Variants in C11orf65 observed in about 807,000 individuals in gnomAD.
C11orf65 encodes the protein protein MFI.
Under a neutral mutation model 35.3 loss-of-function variants are expected in C11orf65, and 38 were observed. The observed-to-expected ratio is 1.08, with a 90% CI of 0.83 to 1.41. C11orf65 has a LOEUF of 1.41. Ranked by LOEUF, C11orf65 falls within the 40% of genes most tolerant of loss-of-function variation. The pLI, the probability that C11orf65 is intolerant of heterozygous loss-of-function variation, is 0.00. For synonymous variants in C11orf65, 105 were observed against 114.4 expected (o/e 0.92, Z 0.53); for missense variants, 370 against 367.1 (o/e 1.01, Z -0.06).
Position 108,420,489 on chromosome 11 carries a change from T to C in C11orf65, c.174+11257A>G, listed in dbSNP as rs530526117. On this transcript the variant is annotated intron_variant, in intron 3 of 8. Transcript: ENST00000393084. The stretch of plus-strand genomic sequence containing the variant: ...CACCCACCACATTCTGCTCAGTCAC[T>C]GGACATGGGTTGACCTAGCATCACT... Among the ~76,000 whole-genome samples the C allele has an allele frequency of 2.0e-5, 3 of 152,288 alleles. No individual in the cohort carries two copies. The South Asian group carries it at 6.2e-4, about 32-fold the overall frequency.
chr11:108,329,423 T>G, downstream of C11orf65: 1 of 611,302 alleles, frequency 1.6e-6, no homozygotes, highest in Non-Finnish European at 2.8e-6. Flanking sequence ...GTTTTTTTTT[T>G]TGAGACAAGG....
At chr11:108,463,256 G>A (rs1461511465) in intron 1 of C11orf65, among the ~76,000 whole-genome samples, 1 of 150,866 alleles carries the variant, frequency 6.6e-6, no homozygotes, top group Non-Finnish European at 1.5e-5. Context: ...AAAGACAGAG[G>A]CTAAACAGAA....
chr11:108,394,094 C>T (rs1327246709), intron 6 of C11orf65, among the ~76,000 whole-genome samples: 1 of 148,562 alleles, frequency 6.7e-6, no homozygotes, highest in Non-Finnish European at 1.5e-5. Context: ...GCAGGAGAAT[C>T]GCTAGAACCT....
chr11:108,353,981 T>C, intron 2 of C11orf65: 1 of 1,167,656 alleles, frequency 8.6e-7, no homozygotes, highest in Non-Finnish European at 1.3e-6. Context: ...CTCAAGAGGC[T>C]GAAGTGGGAG....
intron 6 of C11orf65, among the ~76,000 whole-genome samples, chr11:108,318,722 A>C (rs562445258): frequency 1.3e-5 from 2 of 152,082 alleles, no homozygotes; most frequent in Non-Finnish European, 2.9e-5. Context: ...TTACCCAGGA[A>C]GATAACATTT....
At chr11:108,392,385 T>C (rs1319879192) in intron 7 of C11orf65, among the ~76,000 whole-genome samples, 2 of 150,914 alleles carry the variant, frequency 1.3e-5, no homozygotes, top group East Asian at 2.0e-4. Context: ...GATAGATCTA[T>C]CATATTTCAT....
At chr11:108,413,008 G>A (rs2092683104) in intron 3 of C11orf65, among the ~76,000 whole-genome samples, 1 of 152,172 alleles carries the variant, frequency 6.6e-6, no homozygotes, top group African/African-American at 2.4e-5. Flanking sequence ...GTAATTGACA[G>A]ATTCAGCAAG....
chr11:108,461,529 T>C lies in C11orf65; in HGVS notation c.31A>G (p.Lys11Glu), dbSNP rs778207788. 1 of 1,609,880 alleles carries C rather than the reference T, an allele frequency of 6.2e-7. No homozygotes were observed. The highest frequency in any genetic ancestry group is 1.1e-5 in the South Asian group (1 of 89,778). Residue 11 changes from lysine (K) to glutamate (E), a missense_variant, in exon 2 of 9, where the codon AAG becomes GAG. Lys to Glu is a moderately conservative substitution (Grantham distance 56). Coordinates refer to ENST00000393084, the MANE Select transcript of C11orf65 (RefSeq NM_152587.5). ...ATGACTCTGGCAGCCTTATCCTGCTTTGTAAATTCTGATTCCTCTTTCCAA... is the reference window on the plus strand; with the variant it reads ...ATGACTCTGGCAGCCTTATCCTGCTCTGTAAATTCTGATTCCTCTTTCCAA... MPWKEESEFT[K>E]QDKAARVIQQ...
chr11:108,425,306 T>C (rs1258276972), intron 3 of C11orf65, among the ~76,000 whole-genome samples: 5 of 152,068 alleles, frequency 3.3e-5, no homozygotes, highest in Non-Finnish European at 7.3e-5. Context: ...TAAAAAATGA[T>C]AAAGATGATA....
At chr11:108,433,857 T>C (rs2093028325) in intron 2 of C11orf65, among the ~76,000 whole-genome samples, 1 of 152,114 alleles carries the variant, frequency 6.6e-6, no homozygotes, top group Non-Finnish European at 1.5e-5. Context: ...TCAAGTAGCA[T>C]ACCTGGTTGT....
chr11:108,467,688 G>A (rs992236772), upstream of C11orf65, among the ~76,000 whole-genome samples: 1 of 152,164 alleles, frequency 6.6e-6, no homozygotes, highest in Non-Finnish European at 1.5e-5. Flanking sequence ...ATTGTCAGTG[G>A]CTTTGAGGCA....
intron 3 of C11orf65, among the ~76,000 whole-genome samples, chr11:108,410,635 G>GGC (rs2092636762): frequency 6.6e-6 from 1 of 151,638 alleles, no homozygotes. Context: ...GATTACAGAT[G>GGC]CGAACCACCC....
chr11:108,401,493 T>C (rs1051920537), intron 6 of C11orf65, among the ~76,000 whole-genome samples: 5 of 152,192 alleles, frequency 3.3e-5, no homozygotes, highest in African/African-American at 1.2e-4. Context: ...TCTCTAGCTG[T>C]GCAGCTGCAA....
downstream of C11orf65, among the ~76,000 whole-genome samples, chr11:108,329,617 C>T (rs1353180332): frequency 3.3e-5 from 5 of 151,972 alleles, no homozygotes; most frequent in Admixed American, 2.6e-4. Flanking sequence ...TGCCATGTTG[C>T]CCAGGTTGGT....
chr11:108,343,353 G>C lies in C11orf65; in HGVS notation c.227-8061C>G, dbSNP rs879253901. 1 of 1,613,816 alleles carries C rather than the reference G, an allele frequency of 6.2e-7. No homozygotes were observed. The highest frequency in any genetic ancestry group is 8.5e-7 in the Non-Finnish European group (1 of 1,179,872). On this transcript the variant is annotated intron_variant, in intron 2 of 3. Transcript: ENST00000524755. ...GGCCAAATGATTTCAGTGCCTTTCA[G>C]TGCCAAAAGAAAATGATGGTGAGTG...
chr11:108,451,355 C>T (rs1591595611), intron 2 of C11orf65, among the ~76,000 whole-genome samples: 2 of 151,978 alleles, frequency 1.3e-5, no homozygotes, highest in African/African-American at 4.8e-5. Context: ...CATTCCTATA[C>T]ACCAATAACA....
rs778031266 is a variant in C11orf65 at position 108,316,114 on chromosome 11, G to A, written c.641-7043C>T. 3.1e-6 allele frequency: 5 copies of A among 1,613,598 alleles called. No homozygotes were observed. The highest frequency in any genetic ancestry group is 4.2e-6 in the Non-Finnish European group (5 of 1,179,584). ...AACACGCCAGGCAGGAATCATTCAG[G>A]TACATTTTTTCCCAGATTTGGTAAA... is the stretch of plus-strand genomic sequence containing the variant. On this transcript the variant is annotated intron_variant, in intron 6 of 6. Transcript: ENST00000525729.
intron 6 of C11orf65, among the ~76,000 whole-genome samples, chr11:108,397,384 T>C (rs1202124239): frequency 3.9e-5 from 6 of 152,130 alleles, no homozygotes; most frequent in African/African-American, 1.2e-4. Flanking sequence ...TTTTTAGTTG[T>C]ATTCACCTTA....
intron 2 of C11orf65, among the ~76,000 whole-genome samples, chr11:108,449,117 A>G (rs1369039434): frequency 6.6e-6 from 1 of 152,112 alleles, no homozygotes; most frequent in East Asian, 1.9e-4. Flanking sequence ...ACAAACCACT[A>G]CTCAGTGATA....
Sources: gnomAD v4.1 joint callset for allele counts (sites outside exome capture counted in the v4.1 genomes callset) on GRCh38, gnomAD v4.1.1 for gene constraint, MANE v1.5 for transcripts, NCBI Gene and HGNC (gene_info 2026-07-23, HGNC 2026-07-21) for gene names.